The following OR1B1 variants were observed in gnomAD, a reference collection of about 807,000 sequenced individuals.
The protein encoded by OR1B1 is olfactory receptor family 1 subfamily B member 1, also known as olfactory receptor 1B1.
For synonymous variants in OR1B1, 168 were observed against 156.2 expected (o/e 1.08, Z -0.57); for missense variants, 414 against 402.1 (o/e 1.03, Z -0.25).
At chr9:122,628,753 G>A (rs1056881625) in exon 1 of OR1B1, 1 of 1,614,150 alleles carries the variant, frequency 6.2e-7, no homozygotes, top group Admixed American at 1.7e-5. Context: ...AGACACAAAT[G>A]ATGGTGCCGT....
the OR1B1 span, among the ~76,000 whole-genome samples, chr9:122,639,067 C>T: frequency 6.6e-6 from 1 of 152,156 alleles, no homozygotes; most frequent in African/African-American, 2.4e-5. Flanking sequence ...CATCAACGTA[C>T]TGTCCAACAA....
the OR1B1 span, among the ~76,000 whole-genome samples, chr9:122,648,511 C>T: frequency 6.6e-6 from 1 of 152,260 alleles, no homozygotes; most frequent in Admixed American, 6.5e-5. Context: ...GACAAGGATG[C>T]CCTTTCTCAC....
chr9:122,651,857 A>C, the OR1B1 span, among the ~76,000 whole-genome samples: 1 of 152,292 alleles, frequency 6.6e-6, no homozygotes, highest in Non-Finnish European at 1.5e-5. Context: ...GCACTATCAT[A>C]GCTCACTGTA....
chr9:122,651,539 T>A, the OR1B1 span, among the ~76,000 whole-genome samples: 6 of 152,282 alleles, frequency 3.9e-5, no homozygotes, highest in African/African-American at 1.4e-4. Flanking sequence ...CACTTTTTTT[T>A]AGGACAAAGC....
upstream of OR1B1, among the ~76,000 whole-genome samples, chr9:122,630,696 T>G (rs536697334): frequency 6.9e-4 from 105 of 151,396 alleles, no homozygotes; most frequent in African/African-American, 2.1e-3. Flanking sequence ...TATCCAGGGT[T>G]TTTTTGTTTT....
At chr9:122,643,346 C>T in the OR1B1 span, among the ~76,000 whole-genome samples, 1 of 152,340 alleles carries the variant, frequency 6.6e-6, no homozygotes, top group East Asian at 1.9e-4. Context: ...GAACTCAGCA[C>T]TTCCCTGTCA....
the OR1B1 span, among the ~76,000 whole-genome samples, chr9:122,644,345 G>T: frequency 6.6e-6 from 1 of 152,260 alleles, no homozygotes; most frequent in Admixed American, 6.5e-5. Context: ...ACCAGTGGTA[G>T]TGGTGGCCAC....
At chr9:122,628,971 G>T (rs768502701) in exon 1 of OR1B1, 2 of 1,614,078 alleles carry the variant, frequency 1.2e-6, no homozygotes, top group Non-Finnish European at 1.7e-6. Context: ...CGCAGAAGTG[G>T]CCGGTGGTCA....
chr9:122,644,795 T>C, the OR1B1 span, among the ~76,000 whole-genome samples: 2 of 152,300 alleles, frequency 1.3e-5, no homozygotes, highest in East Asian at 3.9e-4. Flanking sequence ...TCAGGTCCCT[T>C]CCCTGGAGAG....
chr9:122,629,704 G>T, upstream of OR1B1: 4 of 527,200 alleles, frequency 7.6e-6, no homozygotes, highest in South Asian at 3.4e-5. Flanking sequence ...CTAGGATTTC[G>T]CTTCCTTAAT....
chr9:122,630,685 C>A (rs548020746), upstream of OR1B1, among the ~76,000 whole-genome samples: 1 of 150,016 alleles, frequency 6.7e-6, no homozygotes, highest in East Asian at 1.9e-4. Context: ...ACTGAGTCAC[C>A]TATCCAGGGT....
At chr9:122,652,345 C>T in the OR1B1 span, among the ~76,000 whole-genome samples, 1 of 152,054 alleles carries the variant, frequency 6.6e-6, no homozygotes, top group Admixed American at 6.6e-5. Flanking sequence ...AACTAGTAAA[C>T]AGAATCTTGA....
At chr9:122,631,991 A>G (rs1478833117), upstream of OR1B1, among the ~76,000 whole-genome samples, 1 of 152,080 alleles carries the variant, frequency 6.6e-6, no homozygotes, top group Non-Finnish European at 1.5e-5. Context: ...AAATCAACAT[A>G]AAAATTATCT....
Position 122,629,565 on chromosome 9 carries a change from T to C in OR1B1, c.-30A>G, listed in dbSNP as rs202181195. 3.0e-4 allele frequency: 425 copies of C among 1,417,796 alleles called. No homozygotes were observed. The African/African-American group carries it at 5.6e-3, about 19-fold the overall frequency. 87.8% of individuals were successfully genotyped at this position (1,417,796 alleles called of 1,614,324 possible). On this transcript the variant is annotated 5_prime_UTR_variant, in exon 1 of 1. Transcript: ENST00000623530. ...GACAGTCAGCCTGCCTGAAAGACAG[T>C]TTAAGTCAAAAAGAAAGTCATGGGT...
At chr9:122,639,954 G>A in the OR1B1 span, among the ~76,000 whole-genome samples, 1 of 151,918 alleles carries the variant, frequency 6.6e-6, no homozygotes, top group African/African-American at 2.4e-5. Context: ...CAAACTGTAC[G>A]AAGCACTCCA....
chr9:122,635,750 A>G, the OR1B1 span, among the ~76,000 whole-genome samples: 1 of 152,198 alleles, frequency 6.6e-6, no homozygotes, highest in Admixed American at 6.5e-5. Flanking sequence ...AAGGAAATGA[A>G]TCCTCAGATT....
chr9:122,646,972 G>A, the OR1B1 span, among the ~76,000 whole-genome samples: 1 of 152,122 alleles, frequency 6.6e-6, no homozygotes, highest in African/African-American at 2.4e-5. Flanking sequence ...TTGCGTGTTA[G>A]TTTGTTTATG....
the OR1B1 span, among the ~76,000 whole-genome samples, chr9:122,657,032 TC>T: frequency 1.3e-5 from 2 of 152,116 alleles, no homozygotes; most frequent in African/African-American, 2.4e-5. Context: ...TAATTTTTTT[TC>T]ATTTTTATAT....
At chr9:122,641,349 T>C in the OR1B1 span, among the ~76,000 whole-genome samples, 2 of 152,246 alleles carry the variant, frequency 1.3e-5, no homozygotes, top group Admixed American at 6.5e-5. Context: ...TAAACCTTTC[T>C]TTCTAAAGTT....
Sources: allele counts gnomAD v4.1 joint callset (sites outside exome capture counted in the v4.1 genomes callset), GRCh38; gene constraint gnomAD v4.1.1; transcripts MANE v1.5; gene names NCBI Gene and HGNC (gene_info 2026-07-23, HGNC 2026-07-21).